The following TRAPPC9 variants were observed in gnomAD, a reference collection of about 807,000 sequenced individuals.
TRAPPC9 encodes the protein IKK2 binding protein.
TRAPPC9 carries 83 observed loss-of-function variants against 124.0 expected under a neutral mutation model. That is an observed-to-expected ratio of 0.67 (90% CI 0.56 to 0.80). The LOEUF (loss-of-function observed/expected upper bound fraction) is 0.80, where lower values mean the gene tolerates loss of function less well. Ranked by LOEUF, TRAPPC9 falls within the 30% of genes least tolerant of loss-of-function variation. TRAPPC9 has a pLI of 0.00. For missense variants in TRAPPC9, 1,302 were observed against 1,508.3 expected (o/e 0.86, Z 2.27); for synonymous variants, 638 against 617.5 (o/e 1.03, Z -0.49).
Position 140,241,300 on chromosome 8 carries a change from AATCACTTGAACCCAGGAG to A in TRAPPC9, c.2431+11459_2431+11476del, listed in dbSNP as rs980082901. Among the ~76,000 whole-genome samples the A allele has an allele frequency of 2.6e-5, 4 of 151,252 alleles. No individual in the cohort carries two copies. The highest frequency in any genetic ancestry group is 5.9e-5 in the Non-Finnish European group (4 of 67,860). ...TGTAATCCCAGCTACTAGGGAGGAG[AATCACTTGAACCCAGGAG>A]ATCACTTGAACCCAGGAAGTTGTAG... is the stretch of plus-strand genomic sequence containing the variant. On this transcript the variant is annotated intron_variant, in intron 16 of 22. Transcript: ENST00000438773. This position sits in a 1 kb window ranked among gnomAD's most constrained non-coding sequence, Gnocchi z 5.0.
chr8:139,999,345 A>T (rs1172885550), intron 18 of TRAPPC9, among the ~76,000 whole-genome samples: 1 of 152,216 alleles, frequency 6.6e-6, no homozygotes, highest in African/African-American at 2.4e-5. Context: ...CTAAAGAGGG[A>T]CATTATATAA....
intron 17 of TRAPPC9, among the ~76,000 whole-genome samples, chr8:140,062,137 T>A (rs1201713180): frequency 6.6e-6 from 1 of 152,072 alleles, no homozygotes; most frequent in Non-Finnish European, 1.5e-5. Context: ...GGAGCCTGAG[T>A]GGAGCACAGG....
chr8:140,318,731 A>G (rs1427105554), intron 9 of TRAPPC9, among the ~76,000 whole-genome samples: 1 of 152,248 alleles, frequency 6.6e-6, no homozygotes, highest in African/African-American at 2.4e-5. Context: ...GGTGTATAGT[A>G]TTCCATTGTG....
At chr8:140,277,268 A>G (rs1304110774) in intron 14 of TRAPPC9, among the ~76,000 whole-genome samples, 1 of 152,236 alleles carries the variant, frequency 6.6e-6, no homozygotes, top group Non-Finnish European at 1.5e-5. Context: ...TTCTGCATCC[A>G]AACCAAATTT....
chr8:139,806,789 C>CAAAGA (rs1428152007), intron 21 of TRAPPC9, among the ~76,000 whole-genome samples: 1 of 152,276 alleles, frequency 6.6e-6, no homozygotes, highest in Non-Finnish European at 1.5e-5. Context: ...TGCATCAAAG[C>CAAAGA]TGCACCCTTT....
chr8:139,846,344 G>A (rs951080849), intron 21 of TRAPPC9, among the ~76,000 whole-genome samples: 1 of 152,186 alleles, frequency 6.6e-6, no homozygotes, highest in Non-Finnish European at 1.5e-5. Context: ...TGGGGATCAG[G>A]ATAACACTTG....
chr8:140,119,877 G>T (rs981543062), intron 17 of TRAPPC9, among the ~76,000 whole-genome samples: 4 of 152,138 alleles, frequency 2.6e-5, no homozygotes, highest in South Asian at 2.1e-4. Context: ...CTGTTTGTGG[G>T]CTTCTCAAAG....
At chr8:140,017,952 T>A (rs1163719796) in intron 18 of TRAPPC9, among the ~76,000 whole-genome samples, 4 of 152,148 alleles carry the variant, frequency 2.6e-5, no homozygotes, top group African/African-American at 9.7e-5. Context: ...CAGGTGATTC[T>A]CCTGCCTCAG....
intron 17 of TRAPPC9, among the ~76,000 whole-genome samples, chr8:140,185,739 G>A (rs1449042149): frequency 6.6e-6 from 1 of 152,248 alleles, no homozygotes; most frequent in Non-Finnish European, 1.5e-5. Context: ...TGTCGCGGGC[G>A]CCATGCTCGG....
intron 20 of TRAPPC9, among the ~76,000 whole-genome samples, chr8:139,889,312 AGTGAAAGCAG>A (rs1374364154): frequency 6.6e-6 from 1 of 152,018 alleles, no homozygotes; most frequent in Non-Finnish European, 1.5e-5. Flanking sequence ...CTTCAGCCAT[AGTGAAAGCAG>A]GTGGCCTAAC....
intron 17 of TRAPPC9, among the ~76,000 whole-genome samples, chr8:140,067,336 G>A (rs768649062): frequency 6.6e-6 from 1 of 152,064 alleles, no homozygotes; most frequent in African/African-American, 2.4e-5. Flanking sequence ...CTAGAGACAG[G>A]GTTTCACCAT....
intron 17 of TRAPPC9, among the ~76,000 whole-genome samples, chr8:140,211,158 C>T (rs1328905853): frequency 6.6e-6 from 1 of 151,970 alleles, no homozygotes; most frequent in African/African-American, 2.4e-5. Context: ...TTTGGGAGAC[C>T]AAGGCAGGAG....
At chr8:140,033,658 G>GTTTTTTTTTTTTTTGTTTTGTTTTT (rs1840651182) in intron 17 of TRAPPC9, among the ~76,000 whole-genome samples, 2 of 42,364 alleles carry the variant, frequency 4.7e-5, no homozygotes, top group Non-Finnish European at 1.1e-4. Context: ...TCATAATGTG[G>GTTTTTTTTTTTTTTGTTTTGTTTTT]TTTTTTTTTT....
intron 21 of TRAPPC9, among the ~76,000 whole-genome samples, chr8:139,790,445 C>G (rs7015426): frequency 0.4 from 60,927 of 151,894 alleles, 14,007 homozygotes; most frequent in Non-Finnish European, 0.52. Context: ...TCGGAGACCA[C>G]AGCCGGTGCT....
chr8:139,882,877 G>A (rs1228017297), intron 21 of TRAPPC9, among the ~76,000 whole-genome samples: 5 of 152,212 alleles, frequency 3.3e-5, no homozygotes, highest in African/African-American at 1.2e-4. Context: ...GCTGGGATCT[G>A]AGTCCAGGGC....
intron 17 of TRAPPC9, among the ~76,000 whole-genome samples, chr8:140,036,898 C>A (rs1196732915): frequency 6.6e-6 from 1 of 151,950 alleles, no homozygotes; most frequent in Non-Finnish European, 1.5e-5. Context: ...GCAGAACGTG[C>A]AGTTTTGTTA....
intron 21 of TRAPPC9, among the ~76,000 whole-genome samples, chr8:139,846,836 C>G (rs1047420654): frequency 6.6e-6 from 1 of 152,160 alleles, no homozygotes; most frequent in Non-Finnish European, 1.5e-5. Context: ...GGTGAGCAGG[C>G]GCAGGTAGTA....
intron 13 of TRAPPC9, among the ~76,000 whole-genome samples, chr8:140,286,915 G>C (rs1444328856): frequency 1.3e-5 from 2 of 152,106 alleles, no homozygotes; most frequent in East Asian, 3.9e-4. Flanking sequence ...GCGAGAGATG[G>C]GGAAGGAAAG....
At chr8:140,102,345 T>A (rs1271391159) in intron 17 of TRAPPC9, among the ~76,000 whole-genome samples, 1 of 152,218 alleles carries the variant, frequency 6.6e-6, no homozygotes, top group Non-Finnish European at 1.5e-5. Flanking sequence ...CTCATGTGAA[T>A]TTAATGGAAA....
Sources: gnomAD v4.1 joint callset for allele counts (sites outside exome capture counted in the v4.1 genomes callset) on GRCh38, gnomAD v4.1.1 for gene constraint, Gnocchi (gnomAD v3.1) non-coding constraint, MANE v1.5 for transcripts, NCBI Gene and HGNC (gene_info 2026-07-23, HGNC 2026-07-21) for gene names.